SCCPDH: variants seen among roughly 807,000 people sequenced by gnomAD.
SCCPDH encodes saccharopine dehydrogenase (putative).
In SCCPDH, 34 loss-of-function variants were observed where a neutral mutation model predicts 51.5. That is an observed-to-expected ratio of 0.66 (90% CI 0.50 to 0.88). The LOEUF (loss-of-function observed/expected upper bound fraction) is 0.88, where lower values mean the gene tolerates loss of function less well. Among genes scored for constraint, SCCPDH ranks in the 40% least tolerant of loss-of-function variants. The pLI is 0.00. For missense variants in SCCPDH, 464 were observed against 527.1 expected, an observed-to-expected ratio of 0.88 and a Z score of 1.17; for synonymous variants, 187 against 191.3, an observed-to-expected ratio of 0.98 and a Z score of 0.19.
intron 2 of SCCPDH, among the ~76,000 whole-genome samples, chr1:246,729,250 CAG>C (rs1026205856): frequency 1.8e-4 from 28 of 152,310 alleles, no homozygotes; most frequent in African/African-American, 6.3e-4. Context: ...TAACAGGAAA[CAG>C]GGTACGAGAG....
intron 2 of SCCPDH, among the ~76,000 whole-genome samples, chr1:246,732,622 A>C (rs1462497761): frequency 6.6e-6 from 1 of 152,164 alleles, no homozygotes; most frequent in Non-Finnish European, 1.5e-5. Flanking sequence ...TCCTGACCTC[A>C]GGTGATCCAC....
chr1:246,728,789 C>T (rs1034875276), intron 2 of SCCPDH, among the ~76,000 whole-genome samples: 1 of 152,202 alleles, frequency 6.6e-6, no homozygotes, highest in African/African-American at 2.4e-5. Context: ...CAATCTGCAT[C>T]ATACCCTGTA....
intron 2 of SCCPDH, among the ~76,000 whole-genome samples, chr1:246,734,534 T>C (rs1026493007): frequency 6.6e-6 from 1 of 152,202 alleles, no homozygotes; most frequent in Non-Finnish European, 1.5e-5. Context: ...GGTTTGTTAA[T>C]GGGAGGGTAG....
intron 3 of SCCPDH, 100 bp downstream of exon 3, chr1:246,736,155 GACA>G (rs533915838): frequency 1.6e-4 from 117 of 728,110 alleles, no homozygotes; most frequent in Non-Finnish European, 2.2e-4. Context: ...TTTAGAAGCC[GACA>G]ACTCCTTTCT....
At chr1:246,748,322 C>T (rs548693431) in intron 5 of SCCPDH, among the ~76,000 whole-genome samples, 4 of 152,178 alleles carry the variant, frequency 2.6e-5, no homozygotes, top group East Asian at 1.9e-4. Flanking sequence ...TCTAGCCACC[C>T]GGAGAAAGGG....
intron 2 of SCCPDH, among the ~76,000 whole-genome samples, chr1:246,731,473 G>A (rs932947538): frequency 6.6e-6 from 1 of 152,208 alleles, no homozygotes; most frequent in African/African-American, 2.4e-5. Flanking sequence ...TGAGAAGTGA[G>A]CCTGTGGCTG....
chr1:246,756,722 T>C (rs1226613144), intron 5 of SCCPDH, among the ~76,000 whole-genome samples: 1 of 152,224 alleles, frequency 6.6e-6, no homozygotes, highest in African/African-American at 2.4e-5. Context: ...AATAAATCTG[T>C]ACCAGAATGA....
chr1:246,764,901 A>G (rs1162336028), intron 10 of SCCPDH, among the ~76,000 whole-genome samples: 2 of 152,184 alleles, frequency 1.3e-5, no homozygotes, highest in African/African-American at 4.8e-5. Context: ...AATTACTGTC[A>G]GAGACAGACA....
intron 2 of SCCPDH, 63 bp from the exon 3 acceptor site, chr1:246,735,912 G>A: frequency 2.0e-6 from 2 of 1,017,460 alleles, no homozygotes; most frequent in South Asian, 1.4e-5. Flanking sequence ...AGGATTAGAT[G>A]GCATTTTATT....
intron 5 of SCCPDH, among the ~76,000 whole-genome samples, chr1:246,752,590 T>G (rs1253248677): frequency 1.3e-5 from 2 of 152,210 alleles, no homozygotes; most frequent in African/African-American, 2.4e-5. Flanking sequence ...TATTGCTTTC[T>G]CTTTTCTACT....
intron 2 of SCCPDH, among the ~76,000 whole-genome samples, chr1:246,730,401 A>G (rs771331194): frequency 1.3e-5 from 2 of 151,830 alleles, no homozygotes; most frequent in Non-Finnish European, 2.9e-5. Context: ...TGTCCTCCCC[A>G]CTCTAAATGC....
chr1:246,760,775 C>T lies in SCCPDH; in HGVS notation c.990+548C>T, dbSNP rs959752016. Among the ~76,000 whole-genome samples, 4 of 152,286 alleles carry T rather than the reference C, an allele frequency of 2.6e-5. No homozygotes were observed. In the East Asian group the frequency reaches 5.8e-4, roughly 22 times the overall value. ...TTTCATCTCCTTGACACCAGGCACT[C>T]CTGGGGGAAATCCCACTGCTGAACA... On this transcript the variant is annotated intron_variant, in intron 9 of 11. Transcript: ENST00000366510.
chr1:246,753,783 C>T (rs931278069), intron 5 of SCCPDH, among the ~76,000 whole-genome samples: 11 of 151,700 alleles, frequency 7.3e-5, no homozygotes, highest in South Asian at 4.2e-4. Flanking sequence ...CTCTATCTCA[C>T]GCTGAAGTCC....
Position 246,759,049 on chromosome 1 carries a change from T to C in SCCPDH, c.711T>C (p.Tyr237=), listed in dbSNP as rs1365230187. The C allele has an allele frequency of 1.2e-6, 2 of 1,603,506 alleles. No homozygotes were observed. Among genetic ancestry groups the C allele is most frequent in the African/African-American group, 2.7e-5 (2 of 74,782 alleles). The change falls in exon 7 of 12, where the codon TAT becomes TAC. Residue 237 remains tyrosine (Y), a synonymous_variant. Transcript: ENST00000366510. The part of the protein sequence containing the change: ...PKLKRRWPIS[Y]CRELKGYSIP... ...TGTCTTGCAGGTGGCCAATTTCTTA[T>C]TGTCGGGAACTCAAAGGTTATTCCA...
intron 9 of SCCPDH, 111 bp downstream of exon 9, chr1:246,760,338 T>G: frequency 1.1e-6 from 1 of 878,002 alleles, no homozygotes; most frequent in South Asian, 1.7e-5. Flanking sequence ...AAGTTCTTTA[T>G]GTAAATTAGA....
rs1354242479 is a variant in SCCPDH at position 246,767,210 on chromosome 1, A to G, written c.1200A>G (p.Thr400=). The change falls in exon 12 of 12, where the codon ACA becomes ACG. Residue 400 remains threonine (T), a synonymous_variant. Transcript: ENST00000366510. ...TGTTTTATAGGGGCGGGGTCTTCAC[A>G]CCTGGAGCAGCTTTTTCCAAAACAA... The part of the protein sequence containing the change: ...SHLPKAGGVF[T]PGAAFSKTKL... 2.5e-6 allele frequency: 4 copies of G among 1,610,474 alleles called. No homozygotes were observed. In the South Asian group the frequency reaches 4.4e-5, roughly 18 times the overall value.
At position 246,740,159 on chromosome 1, in the gene SCCPDH, C is replaced by T; in HGVS notation, c.385-13C>T. The T allele has an allele frequency of 6.4e-7, 1 of 1,555,256 alleles. No individual in the cohort carries two copies. The highest frequency in any genetic ancestry group is 8.8e-7 in the Non-Finnish European group (1 of 1,142,234). ...TGCATAACTAATTAAAATTCTTATC[C>T]TGGATTTTTTAGTTTCTGGAACTAA... On this transcript the variant is annotated splice_polypyrimidine_tract_variant and intron_variant, in intron 3 of 11. Transcript: ENST00000366510.
intron 6 of SCCPDH, among the ~76,000 whole-genome samples, 179 bp downstream of exon 6, chr1:246,758,535 AG>A (rs1668964782): frequency 6.6e-6 from 1 of 152,222 alleles, no homozygotes; most frequent in Admixed American, 6.5e-5. Flanking sequence ...GAGATAAATA[AG>A]ATATAATTAA....
chr1:246,738,177 C>T (rs1668626248), intron 3 of SCCPDH, among the ~76,000 whole-genome samples: 1 of 146,150 alleles, frequency 6.8e-6, no homozygotes, highest in Admixed American at 6.8e-5. Context: ...GCCTGGGCAA[C>T]AGGGTCGGAT....
Sources: allele counts gnomAD v4.1 joint callset (sites outside exome capture counted in the v4.1 genomes callset), GRCh38; gene constraint gnomAD v4.1.1; transcripts MANE v1.5; gene names NCBI Gene and HGNC (gene_info 2026-07-23, HGNC 2026-07-21).